GSE1: variants seen among roughly 807,000 people sequenced by gnomAD.
GSE1 encodes Gse1 coiled-coil protein.
Under a neutral mutation model 112.6 loss-of-function variants are expected in GSE1, and 32 were observed. The observed-to-expected ratio is 0.28, with a 90% CI of 0.21 to 0.38. GSE1 has a LOEUF of 0.38. Ranked by LOEUF, GSE1 falls within the 10% of genes least tolerant of loss-of-function variation. The probability of loss-of-function intolerance (pLI) is 1.00; values close to 1 mark genes in which losing one functional copy is unlikely to be tolerated. For missense variants in GSE1, 2,348 were observed against 1,699.2 expected (o/e 1.38, Z -6.71); for synonymous variants, 1,115 against 735.6 (o/e 1.52, Z -8.35).
chr16:85,225,167 G>A (rs1471819514), intron 1 of GSE1, among the ~76,000 whole-genome samples: 1 of 152,020 alleles, frequency 6.6e-6, no homozygotes, highest in Non-Finnish European at 1.5e-5. Flanking sequence ...GACCACGTGG[G>A]ATCACAGGGA....
intron 2 of GSE1, among the ~76,000 whole-genome samples, chr16:85,535,518 G>T (rs1011355463): frequency 6.6e-6 from 1 of 152,214 alleles, no homozygotes; most frequent in Non-Finnish European, 1.5e-5. Flanking sequence ...GAGGGTAAAG[G>T]TTGGCCTCCT....
chr16:85,617,258 G>A (rs954686559), intron 1 of GSE1, among the ~76,000 whole-genome samples: 9 of 152,218 alleles, frequency 5.9e-5, no homozygotes, highest in Non-Finnish European at 1.0e-4. Flanking sequence ...AGCTGCCCCC[G>A]GGAGGCTGGG....
intron 1 of GSE1, among the ~76,000 whole-genome samples, chr16:85,248,092 G>T (rs964465343): frequency 2.6e-5 from 4 of 152,220 alleles, no homozygotes; most frequent in African/African-American, 9.7e-5. Context: ...AGAGTGGGTG[G>T]GGTGCGTAGA....
chr16:85,456,092 A>G (rs1033398858), intron 2 of GSE1, among the ~76,000 whole-genome samples: 1 of 152,194 alleles, frequency 6.6e-6, no homozygotes, highest in African/African-American at 2.4e-5. Context: ...ACTCATCCTC[A>G]TCTGTGTCCA....
intron 2 of GSE1, among the ~76,000 whole-genome samples, chr16:85,424,469 G>T (rs2048921263): frequency 6.6e-6 from 1 of 152,148 alleles, no homozygotes; most frequent in African/African-American, 2.4e-5. Flanking sequence ...GGCTGGACAC[G>T]TGGGGACAAG....
upstream of GSE1, chr16:85,554,795 ACGGACGGG>A (rs1430041227): frequency 3.8e-5 from 26 of 679,450 alleles, no homozygotes; most frequent in Non-Finnish European, 4.0e-5. Context: ...GGGAGGGAGG[ACGGACGGG>A]CGGGCGGGCG....
chr16:85,478,933 C>CTCTTTT lies in GSE1; in HGVS notation c.2464+121291_2464+121292insCTTTTT. Among the ~76,000 whole-genome samples the CTCTTTT allele has an allele frequency of 2.7e-5, 2 of 74,796 alleles. 1 individual carries two copies. Among genetic ancestry groups the CTCTTTT allele is most frequent in the Non-Finnish European group, 5.3e-5 (2 of 38,086 alleles). The allele number at this position is 74,796 out of a possible 152,430, so 49.1% of individuals were successfully genotyped here. A position where few individuals can be genotyped will look rare whatever the true frequency, so the allele number is the denominator to read the frequency against. ...TTTCTTTCTTTCTTTCTTTCTCTTTCTTTCTTTCTTTCTTTTTTTTTCTTT... is the reference window on the plus strand; with the variant it reads ...TTTCTTTCTTTCTTTCTTTCTCTTTCTCTTTTTTTCTTTCTTTCTTTTTTTTTCTTT... On this transcript the variant is annotated intron_variant, in intron 2 of 2. Coordinates refer to the GSE1 transcript ENST00000637419.
chr16:85,232,484 C>T (rs1216148964), intron 1 of GSE1, among the ~76,000 whole-genome samples: 3 of 152,074 alleles, frequency 2.0e-5, no homozygotes, highest in African/African-American at 4.8e-5. Flanking sequence ...GAAAGAGGAA[C>T]GAGCTGCTCC....
chr16:85,453,168 G>T (rs190633199), intron 2 of GSE1, among the ~76,000 whole-genome samples: 1 of 151,928 alleles, frequency 6.6e-6, no homozygotes, highest in South Asian at 2.1e-4. Context: ...CTCCCGTATC[G>T]GGGGAAGGTT....
At chr16:85,404,911 T>C (rs1377954174) in intron 2 of GSE1, among the ~76,000 whole-genome samples, 10 of 38,070 alleles carry the variant, frequency 2.6e-4, no homozygotes, top group African/African-American at 9.4e-4. Flanking sequence ...TAATCCTCAC[T>C]GTTACTCTCA....
chr16:85,211,448 G>A (rs1293867001), intron 1 of GSE1, among the ~76,000 whole-genome samples: 3 of 152,190 alleles, frequency 2.0e-5, no homozygotes, highest in Admixed American at 6.5e-5. Context: ...TGAGAACTGC[G>A]TTCCTGTCCC....
At chr16:85,614,466 G>A (rs1048681548) in intron 1 of GSE1, among the ~76,000 whole-genome samples, 1 of 152,208 alleles carries the variant, frequency 6.6e-6, no homozygotes, top group Non-Finnish European at 1.5e-5. Context: ...GGGGCACTTA[G>A]AAATGTGCGG....
chr16:85,517,839 C>T (rs904957376), intron 2 of GSE1, among the ~76,000 whole-genome samples: 3 of 152,270 alleles, frequency 2.0e-5, no homozygotes, highest in East Asian at 1.9e-4. Context: ...AAGCAGGCTC[C>T]GCCGTGAAGA....
At chr16:85,670,130 T>G (rs2053210019) in intron 14 of GSE1, among the ~76,000 whole-genome samples, 1 of 152,240 alleles carries the variant, frequency 6.6e-6, no homozygotes. Context: ...CTAGATTTAG[T>G]TTCAGGTATC....
intron 2 of GSE1, among the ~76,000 whole-genome samples, chr16:85,525,981 G>A (rs978290414): frequency 9.8e-5 from 15 of 152,296 alleles, no homozygotes; most frequent in African/African-American, 2.6e-4. Context: ...CTCTGCCGGG[G>A]TAGAAAGGCA....
intron 1 of GSE1, among the ~76,000 whole-genome samples, chr16:85,270,646 T>C (rs578094023): frequency 6.7e-6 from 1 of 149,030 alleles, no homozygotes; most frequent in African/African-American, 2.4e-5. Context: ...TTGTTAATGC[T>C]CTGTCCTGCG....
intron 2 of GSE1, among the ~76,000 whole-genome samples, chr16:85,544,084 C>T (rs2044616034): frequency 6.6e-6 from 1 of 152,188 alleles, no homozygotes; most frequent in Non-Finnish European, 1.5e-5. Context: ...ATCCACCCAC[C>T]TCGGCTTCCC....
chr16:85,312,210 G>GGGGGA lies in GSE1; in HGVS notation c.2284-45249_2284-45248insAGGGG, dbSNP rs1555559899. On this transcript the variant is annotated intron_variant, in intron 1 of 2. Transcript: ENST00000637419. ...GGTCTCTCTGATCCTCTTGCGGGGGGGGGGGGGACACACTTACCCCCAAAC... is the reference window on the plus strand; with the variant it reads ...GGTCTCTCTGATCCTCTTGCGGGGGGGGGGAGGGGGGGACACACTTACCCCCAAAC... Among the ~76,000 whole-genome samples the GGGGGA allele has an allele frequency of 2.6e-5, 4 of 151,608 alleles. 1 individual carries two copies. Among genetic ancestry groups the GGGGGA allele is most frequent in the African/African-American group, 9.7e-5 (4 of 41,110 alleles).
chr16:85,627,640 A>G (rs73271247), intron 1 of GSE1, among the ~76,000 whole-genome samples: 16,855 of 152,136 alleles, frequency 0.11, 3,181 homozygotes, highest in African/African-American at 0.39. Context: ...GCACATGTCA[A>G]GAGAGCTTGT....
Sources: gnomAD v4.1 joint callset for allele counts (sites outside exome capture counted in the v4.1 genomes callset) on GRCh38, gnomAD v4.1.1 for gene constraint, MANE v1.5 for transcripts, NCBI Gene and HGNC (gene_info 2026-07-23, HGNC 2026-07-21) for gene names.